Variants in MSRB3 observed in about 807,000 individuals in gnomAD.
The protein encoded by MSRB3 is methionine-R-sulfoxide reductase B3.
In MSRB3, 13 loss-of-function variants were observed where a neutral mutation model predicts 21.0. That is an observed-to-expected ratio of 0.62 (90% CI 0.40 to 0.98). MSRB3 has a LOEUF of 0.98. Among genes scored for constraint, MSRB3 ranks in the 50% least tolerant of loss-of-function variants. The pLI, the probability that MSRB3 is intolerant of heterozygous loss-of-function variation, is 0.00. For missense variants in MSRB3, 199 were observed against 230.3 expected (o/e 0.86, Z 0.88); for synonymous variants, 87 against 88.6 (o/e 0.98, Z 0.10).
At chr12:65,288,952 T>C (rs1347805) in intron 1 of MSRB3, among the ~76,000 whole-genome samples, 17,194 of 152,232 alleles carry the variant, frequency 0.11, 1,210 homozygotes, top group East Asian at 0.28. Flanking sequence ...CAAAAAAGAA[T>C]ATATAGTGTC....
intron 4 of MSRB3, among the ~76,000 whole-genome samples, chr12:65,358,800 C>T (rs775017384): frequency 1.3e-5 from 2 of 151,844 alleles, no homozygotes; most frequent in Non-Finnish European, 2.9e-5. Context: ...TATATTGCAA[C>T]CTGTGATGGG....
At chr12:65,374,141 AAT>A (rs1323406955) in intron 5 of MSRB3, among the ~76,000 whole-genome samples, 6 of 152,336 alleles carry the variant, frequency 3.9e-5, no homozygotes, top group Admixed American at 1.3e-4. Flanking sequence ...ATATGTTGAC[AAT>A]AGTTTTTAGC....
intron 5 of MSRB3, among the ~76,000 whole-genome samples, chr12:65,432,405 G>A (rs1039924287): frequency 6.6e-5 from 10 of 152,054 alleles, no homozygotes; most frequent in Non-Finnish European, 4.4e-5. Context: ...AATTTTAAAA[G>A]GGGGGAAAAG....
chr12:65,397,110 T>C (rs1455086768), intron 5 of MSRB3, among the ~76,000 whole-genome samples: 1 of 152,208 alleles, frequency 6.6e-6, no homozygotes, highest in Non-Finnish European at 1.5e-5. Flanking sequence ...TATGATTGTA[T>C]AGTTCCCCTC....
chr12:65,395,447 CAG>C (rs1453468525), intron 5 of MSRB3, among the ~76,000 whole-genome samples: 1 of 151,196 alleles, frequency 6.6e-6, no homozygotes, highest in Admixed American at 6.6e-5. Context: ...GCCTGGGTGA[CAG>C]AGTGAGACTC....
chr12:65,426,154 G>A (rs751156624), intron 5 of MSRB3, among the ~76,000 whole-genome samples: 15 of 152,068 alleles, frequency 9.9e-5, no homozygotes, highest in Non-Finnish European at 8.8e-5. Context: ...GAGCCACTGC[G>A]CCCAGCCTCT....
intron 5 of MSRB3, among the ~76,000 whole-genome samples, chr12:65,429,511 C>T (rs1881777808): frequency 6.6e-6 from 1 of 152,074 alleles, no homozygotes; most frequent in African/African-American, 2.4e-5. Context: ...GGTTTTTGTC[C>T]ACCTTCAAAT....
intron 5 of MSRB3, chr12:65,419,409 C>A: frequency 1.3e-6 from 1 of 748,988 alleles, no homozygotes. Flanking sequence ...CCTTGAGAGT[C>A]TCGATCTCTG....
intron 2 of MSRB3, among the ~76,000 whole-genome samples, chr12:65,321,233 T>C (rs1249652583): frequency 2.6e-5 from 4 of 152,180 alleles, no homozygotes; most frequent in African/African-American, 7.2e-5. Context: ...AAAGTAGATC[T>C]AAGTACTTAG....
In MSRB3 at chr12:65,359,511, C is replaced by G. The variant is rs1420378780; in HGVS notation, c.264-9487C>G. 2.6e-5 allele frequency among the ~76,000 whole-genome samples: 4 copies of G among 152,198 alleles called. No homozygotes were observed. In the East Asian group the frequency reaches 7.7e-4, roughly 29 times the overall value. On this transcript the variant is annotated intron_variant, in intron 4 of 6. Coordinates refer to ENST00000308259, the MANE Select transcript of MSRB3 (RefSeq NM_001031679.3). ...AATCTGCTTCATCCCCCAGAGAACA[C>G]ATGGCAAGTGTGTACACAACACCAA...
intron 5 of MSRB3, among the ~76,000 whole-genome samples, chr12:65,378,901 T>A (rs1878788071): frequency 6.6e-6 from 1 of 152,176 alleles, no homozygotes; most frequent in Non-Finnish European, 1.5e-5. Flanking sequence ...GCAAGAAAAA[T>A]TCACTTGATC....
At chr12:65,350,005 G>A (rs956745436) in intron 4 of MSRB3, among the ~76,000 whole-genome samples, 25 of 151,606 alleles carry the variant, frequency 1.6e-4, no homozygotes, top group African/African-American at 5.4e-4. Flanking sequence ...CCTGAATGGT[G>A]ATGCCTAGGT....
At position 65,308,651 on chromosome 12, in the gene MSRB3, C is replaced by T. The variant is rs1295788542; in HGVS notation, c.72C>T (p.Pro24=). ...TAGCCCTTCGAGCCTGTGGGCTTCCCTCAGGTTGCTGCTTGTTGTACTGTA... is the reference window on the plus strand; with the variant it reads ...TAGCCCTTCGAGCCTGTGGGCTTCCTTCAGGTTGCTGCTTGTTGTACTGTA... ...QPVALRACGL[P]SGSCRDKKNC... is the part of the protein sequence containing the mutation. Residue 24 remains proline (P), a synonymous_variant, in exon 2 of 7, where the codon CCC becomes CCT. Coordinates refer to ENST00000308259, the MANE Select transcript of MSRB3 (RefSeq NM_001031679.3). 2.5e-6 allele frequency: 4 copies of T among 1,613,924 alleles called. No individual in the cohort carries two copies. Among genetic ancestry groups the T allele is most frequent in the Non-Finnish European group, 3.4e-6 (4 of 1,179,870 alleles).
chr12:65,290,813 T>C (rs973627915), intron 1 of MSRB3, among the ~76,000 whole-genome samples: 1 of 152,202 alleles, frequency 6.6e-6, no homozygotes, highest in Admixed American at 6.5e-5. Flanking sequence ...TTCAAGTAAG[T>C]TGCATCTGTT....
intron 1 of MSRB3, 150 bp downstream of exon 1, chr12:65,279,015 G>T: frequency 6.9e-7 from 1 of 1,459,492 alleles, no homozygotes; most frequent in East Asian, 2.6e-5. Context: ...CCTCAGCCGA[G>T]AAGGGGAGCA....
intron 4 of MSRB3, among the ~76,000 whole-genome samples, chr12:65,364,390 C>A (rs1206033171): frequency 1.3e-5 from 2 of 152,164 alleles, no homozygotes; most frequent in Non-Finnish European, 2.9e-5. Flanking sequence ...GCTATAATCA[C>A]CATCTTTTGG....
chr12:65,451,039 G>A (rs1882834862), intron 5 of MSRB3, among the ~76,000 whole-genome samples: 2 of 152,160 alleles, frequency 1.3e-5, no homozygotes, highest in African/African-American at 4.8e-5. Flanking sequence ...AAGCAACTCA[G>A]CATTCTCCTT....
chr12:65,440,181 T>A (rs924248220), intron 5 of MSRB3, among the ~76,000 whole-genome samples: 2 of 151,714 alleles, frequency 1.3e-5, no homozygotes, highest in African/African-American at 4.8e-5. Flanking sequence ...AAATTCCTGA[T>A]TAAGATCTGA....
At chr12:65,356,976 A>G (rs1037359356) in intron 4 of MSRB3, among the ~76,000 whole-genome samples, 2 of 151,904 alleles carry the variant, frequency 1.3e-5, no homozygotes, top group Non-Finnish European at 2.9e-5. Flanking sequence ...ATATGAATCT[A>G]ATATCCTGTG....
Sources: allele counts gnomAD v4.1 joint callset (sites outside exome capture counted in the v4.1 genomes callset), GRCh38; gene constraint gnomAD v4.1.1; transcripts MANE v1.5; gene names NCBI Gene and HGNC (gene_info 2026-07-23, HGNC 2026-07-21).